PKD1L1: variants seen among roughly 807,000 people sequenced by gnomAD.
PKD1L1 encodes the protein polycystin 1 like 1, transient receptor potential channel interacting.
PKD1L1 carries 236 observed loss-of-function variants against 323.4 expected under a neutral mutation model. That is an observed-to-expected ratio of 0.73 (90% CI 0.66 to 0.81). The LOEUF is 0.81. Among genes scored for constraint, PKD1L1 ranks in the 40% least tolerant of loss-of-function variants. The pLI, the probability that PKD1L1 is intolerant of heterozygous loss-of-function variation, is 0.00. For synonymous variants in PKD1L1, 1,344 were observed against 1,335.0 expected, an observed-to-expected ratio of 1.01 and a Z score of -0.15; for missense variants, 3,320 against 3,508.0, an observed-to-expected ratio of 0.95 and a Z score of 1.35.
chr7:47,850,903 G>A (rs984066277), intron 31 of PKD1L1, among the ~76,000 whole-genome samples: 3 of 152,148 alleles, frequency 2.0e-5, no homozygotes, highest in Non-Finnish European at 4.4e-5. Context: ...ACGATTTGGT[G>A]TATACTGTAG....
chr7:47,923,335 TAAAAAAAAA>T (rs371527820), intron 7 of PKD1L1, among the ~76,000 whole-genome samples: 1 of 123,552 alleles, frequency 8.1e-6, no homozygotes, highest in African/African-American at 3.1e-5. Context: ...CAATAAATAC[TAAAAAAAAA>T]AAAAAAAAGA....
At chr7:47,843,551 T>C (rs982517205) in intron 33 of PKD1L1, among the ~76,000 whole-genome samples, 1 of 152,236 alleles carries the variant, frequency 6.6e-6, no homozygotes, top group Non-Finnish European at 1.5e-5. Context: ...GGTGCCATTA[T>C]GTTCCTCCCT....
At chr7:47,862,423 C>A (rs146669560) in intron 26 of PKD1L1, among the ~76,000 whole-genome samples, 117 of 152,204 alleles carry the variant, frequency 7.7e-4, no homozygotes, top group African/African-American at 2.7e-3. Context: ...GGCCATCCAG[C>A]CCCCGTTCCT....
At chr7:47,811,766 G>A (rs1225755493) in intron 50 of PKD1L1, 51 bp downstream of exon 50, 1 of 1,452,034 alleles carries the variant, frequency 6.9e-7, no homozygotes, top group Admixed American at 2.0e-5. Flanking sequence ...CCCAGGTGAA[G>A]CCCCATCTTC....
At chr7:47,915,362 T>C in intron 8 of PKD1L1, 70 bp downstream of exon 8, 1 of 764,762 alleles carries the variant, frequency 1.3e-6, no homozygotes, top group East Asian at 2.4e-5. Flanking sequence ...TGTAAACCAA[T>C]GAAAATTCCT....
chr7:47,898,500 C>T (rs113471618), intron 13 of PKD1L1, among the ~76,000 whole-genome samples: 263 of 152,176 alleles, frequency 1.7e-3, no homozygotes, highest in African/African-American at 6.0e-3. Flanking sequence ...TATTTGATTA[C>T]ATAAAAAATT....
intron 41 of PKD1L1, among the ~76,000 whole-genome samples, chr7:47,832,366 G>A (rs1322781842): frequency 2.0e-5 from 3 of 152,212 alleles, no homozygotes; most frequent in Non-Finnish European, 4.4e-5. Context: ...GCTGATACTT[G>A]TGCCTACGCT....
At chr7:47,823,058 C>A (rs62448555) in intron 45 of PKD1L1, among the ~76,000 whole-genome samples, 31,355 of 151,624 alleles carry the variant, frequency 0.21, 3,384 homozygotes, top group Middle Eastern at 0.24. Context: ...TTTTTAACTT[C>A]TTTCTCTTGC....
chr7:47,915,096 A>G (rs1055312736), intron 8 of PKD1L1, among the ~76,000 whole-genome samples: 1 of 152,268 alleles, frequency 6.6e-6, no homozygotes, highest in Non-Finnish European at 1.5e-5. Flanking sequence ...TTTTAAATGT[A>G]AATAATAACT....
At chr7:47,880,868 A>G in intron 20 of PKD1L1, 63 bp from the exon 21 acceptor site, 1 of 1,356,902 alleles carries the variant, frequency 7.4e-7, no homozygotes, top group Non-Finnish European at 1.0e-6. Flanking sequence ...GAGGTCACAC[A>G]GAGTCCTTGG....
At chr7:47,939,674 C>T (rs1486773767) in intron 3 of PKD1L1, among the ~76,000 whole-genome samples, 1 of 152,202 alleles carries the variant, frequency 6.6e-6, no homozygotes, top group Admixed American at 6.5e-5. Flanking sequence ...GGGTCTTCAA[C>T]GAGCTCCCCA....
chr7:47,936,848 A>AT lies in PKD1L1; in HGVS notation c.395dup (p.Asp132GlufsTer2), dbSNP rs1310159633. 1.2e-6 allele frequency: 2 copies of AT among 1,605,578 alleles called. No homozygotes were observed. Among genetic ancestry groups the AT allele is most frequent in the East Asian group, 4.5e-5 (2 of 44,848 alleles). ...TTCGCCATGGTACATTGACATACCT[A>AT]TCAGCACTGTTATCACAATCCAGAG... On this transcript the variant is annotated frameshift_variant, in exon 4 of 57. Transcript: ENST00000289672. LOFTEE classifies it high-confidence loss of function.
In PKD1L1 at chr7:47,902,451, T is replaced by TC. The variant is rs1562981748; in HGVS notation, c.1991dup (p.Gln665ThrfsTer38). 3 of 1,614,144 alleles carry TC rather than the reference T, an allele frequency of 1.9e-6. No individual in the cohort carries two copies. In the South Asian group the frequency reaches 3.3e-5, roughly 18 times the overall value. ...GCTCGCACACGATGAAAAGTTGCTG[T>TC]CTTAGAGTGGAGGCACTGACATTAT... On this transcript the variant is annotated frameshift_variant, in exon 13 of 57. Coordinates refer to ENST00000289672, the MANE Select transcript of PKD1L1 (RefSeq NM_138295.5). LOFTEE classifies it high-confidence loss of function.
chr7:47,895,191 G>A (rs144560195), intron 14 of PKD1L1, among the ~76,000 whole-genome samples: 188 of 152,314 alleles, frequency 1.2e-3, no homozygotes, highest in African/African-American at 4.2e-3. Context: ...CTCTGACTGT[G>A]AGGTCAGAGA....
chr7:47,861,930 C>T (rs1395627666), intron 26 of PKD1L1, among the ~76,000 whole-genome samples: 4 of 143,652 alleles, frequency 2.8e-5, no homozygotes, highest in African/African-American at 1.0e-4. Flanking sequence ...CGTGGTGGCT[C>T]ACATCTGTAA....
chr7:47,897,912 T>C lies in PKD1L1; in HGVS notation c.2271+76A>G, dbSNP rs1439814149. ...GATCGAACAGGTGTTGAATTCCAAA[T>C]GCTGAGCTCTTGCTCCAGGGCGATG... On this transcript the variant is annotated intron_variant, in intron 14 of 56. Transcript: ENST00000289672. The C allele has an allele frequency of 8.1e-6, 10 of 1,238,440 alleles. No homozygotes were observed. In the East Asian group the frequency reaches 2.1e-4, roughly 26 times the overall value. 76.7% of individuals were successfully genotyped at this position (1,238,440 alleles called of 1,614,324 possible).
chr7:47,880,647 C>T (rs772915007), intron 21 of PKD1L1, 81 bp downstream of exon 21: 4 of 1,127,010 alleles, frequency 3.5e-6, no homozygotes, highest in Non-Finnish European at 5.1e-6. Flanking sequence ...ACCTGCACCC[C>T]ATTCCTTAGG....
At position 47,800,789 on chromosome 7, in the gene PKD1L1, C is replaced by A. The variant is rs13231277; in HGVS notation, c.8053G>T (p.Ala2685Ser). 6.2e-7 allele frequency: 1 copy of A among 1,613,874 alleles called. No homozygotes were observed. Among genetic ancestry groups the A allele is most frequent in the Non-Finnish European group, 8.5e-7 (1 of 1,179,960 alleles). The change falls in exon 54 of 57, where the codon GCC becomes TCC. Residue 2685 changes from alanine to serine, a missense_variant. Ala to Ser is a moderately conservative substitution (Grantham distance 99). Coordinates refer to ENST00000289672, the MANE Select transcript of PKD1L1 (RefSeq NM_138295.5). ...AAATGAAACAGCAGCCCGGGGAAGG[C>A]GTCTGTGAAGGTGCCAGGTGGTAGA... ...WVLPPGTFTD[A>S]FPGLLFHFPR...
chr7:47,879,644 A>AG (rs1438018458), intron 21 of PKD1L1, among the ~76,000 whole-genome samples: 5 of 145,620 alleles, frequency 3.4e-5, no homozygotes, highest in Admixed American at 3.4e-4. Context: ...AAAAAAAAAA[A>AG]AAAAAAAGGC....
Sources: gnomAD v4.1 joint callset for allele counts (sites outside exome capture counted in the v4.1 genomes callset) on GRCh38, gnomAD v4.1.1 for gene constraint, MANE v1.5 for transcripts, NCBI Gene and HGNC (gene_info 2026-07-23, HGNC 2026-07-21) for gene names.